Variants in GRID1 observed in about 807,000 individuals in gnomAD.
GRID1 encodes the protein glutamate ionotropic receptor delta type subunit 1, also known as glutamate receptor ionotropic, delta-1.
Under a neutral mutation model 98.0 loss-of-function variants are expected in GRID1, and 28 were observed. That is an observed-to-expected ratio of 0.29 (90% CI 0.21 to 0.39). The LOEUF (loss-of-function observed/expected upper bound fraction) is 0.39, where lower values mean the gene tolerates loss of function less well. Ranked by LOEUF, GRID1 falls within the 10% of genes least tolerant of loss-of-function variation. The probability of loss-of-function intolerance (pLI) is 1.00; values close to 1 mark genes in which losing one functional copy is unlikely to be tolerated. For synonymous variants in GRID1, 553 were observed against 538.5 expected (o/e 1.03, Z -0.37); for missense variants, 1,111 against 1,340.5 (o/e 0.83, Z 2.67).
intron 8 of GRID1, among the ~76,000 whole-genome samples, chr10:85,751,578 CA>C (rs149192946): frequency 6.6e-6 from 1 of 152,210 alleles, no homozygotes; most frequent in Non-Finnish European, 1.5e-5. Flanking sequence ...TAGTAGAGCT[CA>C]ATCTCCCCAG....
At chr10:85,742,681 A>AT (rs1841955911) in intron 8 of GRID1, among the ~76,000 whole-genome samples, 1 of 151,956 alleles carries the variant, frequency 6.6e-6, no homozygotes, top group African/African-American at 2.4e-5. Context: ...AGCAGATTGT[A>AT]TTTTCTAAAG....
At chr10:85,873,952 G>C (rs913441856) in intron 5 of GRID1, among the ~76,000 whole-genome samples, 1 of 152,188 alleles carries the variant, frequency 6.6e-6, no homozygotes, top group African/African-American at 2.4e-5. Flanking sequence ...GATAGGTGCA[G>C]CTCAGCTCTA....
At chr10:85,790,757 C>T (rs937115098) in intron 8 of GRID1, among the ~76,000 whole-genome samples, 1 of 152,204 alleles carries the variant, frequency 6.6e-6, no homozygotes, top group Non-Finnish European at 1.5e-5. Flanking sequence ...CAGAGAACAG[C>T]AGTGGCTGAC....
At chr10:85,937,631 T>C (rs142350282) in intron 4 of GRID1, among the ~76,000 whole-genome samples, 2 of 152,348 alleles carry the variant, frequency 1.3e-5, no homozygotes, top group East Asian at 3.9e-4. Flanking sequence ...GTTTGATTCA[T>C]TTTTGTAACC....
intron 4 of GRID1, among the ~76,000 whole-genome samples, chr10:85,939,934 G>A (rs1841976373): frequency 6.6e-6 from 1 of 152,004 alleles, no homozygotes; most frequent in Non-Finnish European, 1.5e-5. Flanking sequence ...GGGCATGGTG[G>A]TGCACACCTG....
chr10:86,099,889 C>T (rs533854201), intron 4 of GRID1, among the ~76,000 whole-genome samples: 1 of 152,312 alleles, frequency 6.6e-6, no homozygotes, highest in Non-Finnish European at 1.5e-5. Context: ...TTGCAACTGG[C>T]TTCCAGATAA....
In GRID1 at chr10:86,294,476, G is replaced by A. The variant is rs570624971; in HGVS notation, c.235+69465C>T. ...CATTCCAAGAATCCAGGGGAGAGAC[G>A]ATGGTGGCTTAGCCATGGGGGTGGT... On this transcript the variant is annotated intron_variant, in intron 2 of 15. Coordinates refer to ENST00000327946, the MANE Select transcript of GRID1 (RefSeq NM_017551.3). Among the ~76,000 whole-genome samples, 10 of 152,326 alleles carry A rather than the reference G, an allele frequency of 6.6e-5. No homozygotes were observed. The South Asian group carries it at 1.5e-3, about 22-fold the overall frequency.
chr10:85,984,002 G>A (rs1479454036), intron 4 of GRID1, among the ~76,000 whole-genome samples: 5 of 151,972 alleles, frequency 3.3e-5, no homozygotes, highest in African/African-American at 7.3e-5. Flanking sequence ...ATCTCCTCTG[G>A]ACACGTGAGT....
intron 4 of GRID1, among the ~76,000 whole-genome samples, chr10:85,946,102 T>C (rs912862203): frequency 1.3e-5 from 2 of 152,234 alleles, no homozygotes; most frequent in African/African-American, 4.8e-5. Context: ...TGTTTTTTAA[T>C]GAGAGAAAAA....
chr10:86,253,224 G>T (rs1846864399), intron 2 of GRID1, among the ~76,000 whole-genome samples: 1 of 152,158 alleles, frequency 6.6e-6, no homozygotes, highest in Non-Finnish European at 1.5e-5. Flanking sequence ...TCTGCATGTG[G>T]CCATCTCCAA....
At chr10:85,883,025 C>A (rs934140031) in intron 5 of GRID1, among the ~76,000 whole-genome samples, 36 of 151,966 alleles carry the variant, frequency 2.4e-4, no homozygotes, top group African/African-American at 8.5e-4. Context: ...TTTTTCTTCT[C>A]CATTATGTCA....
In GRID1 at chr10:86,366,055, C is replaced by A. The variant is rs1216951559; in HGVS notation, c.79+259G>T. On this transcript the variant is annotated intron_variant, in intron 1 of 15. Transcript: ENST00000327946. The surrounding 1 kb of genome is among the most constrained non-coding windows in gnomAD (Gnocchi z 4.1). The stretch of plus-strand genomic sequence containing the variant: ...CGACGCGCGTCCATCCCGGTGTTCC[C>A]CGAAGCGTCGGCCCTAAGTGTCGGT... 1.3e-5 allele frequency among the ~76,000 whole-genome samples: 2 copies of A among 152,136 alleles called. No homozygotes were observed. The highest frequency in any genetic ancestry group is 4.8e-5 in the African/African-American group (2 of 41,452).
At chr10:86,201,318 T>G (rs986172752) in intron 3 of GRID1, among the ~76,000 whole-genome samples, 1 of 152,180 alleles carries the variant, frequency 6.6e-6, no homozygotes, top group African/African-American at 2.4e-5. Context: ...CATGCAGAAG[T>G]GTTATTCCAC....
chr10:85,838,337 A>T (rs1008723726), intron 8 of GRID1, among the ~76,000 whole-genome samples: 2 of 152,168 alleles, frequency 1.3e-5, no homozygotes, highest in African/African-American at 4.8e-5. Context: ...TCACAAGAAG[A>T]TCATCCCCAA....
chr10:85,620,131 C>T, intron 13 of GRID1, 98 bp from the exon 14 acceptor site: 1 of 942,450 alleles, frequency 1.1e-6, no homozygotes, highest in South Asian at 1.5e-5. Flanking sequence ...AGGGACCCAT[C>T]CTCAATGGTC....
intron 4 of GRID1, among the ~76,000 whole-genome samples, chr10:85,936,918 AT>A (rs1841934595): frequency 6.6e-6 from 1 of 152,200 alleles, no homozygotes; most frequent in Non-Finnish European, 1.5e-5. Flanking sequence ...ATAGAATTTG[AT>A]TTTATAAATT....
rs1414837204 is a variant in GRID1 at position 86,366,498 on chromosome 10, G to A, written c.-106C>T. On this transcript the variant is annotated 5_prime_UTR_variant, in exon 1 of 16. Transcript: ENST00000327946. The surrounding 1 kb of genome is among the most constrained non-coding windows in gnomAD (Gnocchi z 4.1). ...TGCAGTCCCGGGCCGCTCCCCGGGA[G>A]AGCCGAGCCCGCCCGTGCGTCTTCC... 6 of 611,642 alleles carry A rather than the reference G, an allele frequency of 9.8e-6. No individual in the cohort carries two copies. The highest frequency in any genetic ancestry group is 3.9e-5 in the African/African-American group (2 of 50,840). The allele number at this position is 611,642 out of a possible 1,614,324, so 37.9% of individuals were successfully genotyped here.
At chr10:86,161,198 A>G (rs1564693412) in intron 3 of GRID1, among the ~76,000 whole-genome samples, 5 of 152,218 alleles carry the variant, frequency 3.3e-5, no homozygotes, top group Admixed American at 6.5e-5. Flanking sequence ...TTTAGGAATA[A>G]GAGACAGCAT....
chr10:86,005,028 T>C (rs552598773), intron 4 of GRID1, among the ~76,000 whole-genome samples: 1 of 152,150 alleles, frequency 6.6e-6, no homozygotes, highest in Non-Finnish European at 1.5e-5. Flanking sequence ...AGGAAAGCAA[T>C]GAAATATTTT....
Sources: allele counts gnomAD v4.1 joint callset (sites outside exome capture counted in the v4.1 genomes callset), GRCh38; gene constraint gnomAD v4.1.1; non-coding constraint Gnocchi (gnomAD v3.1); transcripts MANE v1.5; gene names NCBI Gene and HGNC (gene_info 2026-07-23, HGNC 2026-07-21).